The following SMYD3 variants were observed in gnomAD, a reference collection of about 807,000 sequenced individuals.
The protein encoded by SMYD3 is SET and MYND domain containing 3.
A neutral mutation model predicts 57.7 loss-of-function variants in SMYD3; 36 were observed. The ratio of observed to expected loss-of-function variants is 0.62; its 90% CI spans 0.48 to 0.82. SMYD3 has a LOEUF of 0.82. Ranked by LOEUF, SMYD3 falls within the 40% of genes least tolerant of loss-of-function variation. SMYD3 has a pLI of 0.00. For synonymous variants in SMYD3, 211 were observed against 195.0 expected, an observed-to-expected ratio of 1.08 and a Z score of -0.68; for missense variants, 515 against 538.8, an observed-to-expected ratio of 0.96 and a Z score of 0.44.
chr1:246,100,315 C>T (rs2060986695), intron 5 of SMYD3, among the ~76,000 whole-genome samples: 3 of 152,172 alleles, frequency 2.0e-5, no homozygotes, highest in Non-Finnish European at 4.4e-5. Flanking sequence ...GTGGAAAAGC[C>T]AGGTAGGTAG....
chr1:245,855,136 A>C (rs2051172764), intron 10 of SMYD3, among the ~76,000 whole-genome samples: 1 of 152,202 alleles, frequency 6.6e-6, no homozygotes, highest in Admixed American at 6.5e-5. Flanking sequence ...GCATATGTTA[A>C]TCTCGCAACA....
intron 1 of SMYD3, among the ~76,000 whole-genome samples, chr1:246,374,042 T>C (rs2066231931): frequency 6.6e-6 from 1 of 152,222 alleles, no homozygotes; most frequent in Admixed American, 6.5e-5. Flanking sequence ...CACCCCACTC[T>C]TTCCTAGCAT....
chr1:245,815,170 C>T (rs1434759547), intron 10 of SMYD3, among the ~76,000 whole-genome samples: 1 of 152,206 alleles, frequency 6.6e-6, no homozygotes, highest in African/African-American at 2.4e-5. Flanking sequence ...ACACTCATGG[C>T]CCCAGCATTG....
chr1:246,008,135 T>C (rs779307624), intron 5 of SMYD3, among the ~76,000 whole-genome samples: 7 of 152,210 alleles, frequency 4.6e-5, no homozygotes, highest in Non-Finnish European at 2.9e-5. Flanking sequence ...AGTCCCTTCA[T>C]TTCTCTCAGC....
At chr1:246,228,631 C>A (rs923394571) in intron 5 of SMYD3, among the ~76,000 whole-genome samples, 3 of 152,134 alleles carry the variant, frequency 2.0e-5, no homozygotes, top group Admixed American at 1.3e-4. Context: ...TTAATAGATA[C>A]ATTTTATGGT....
intron 10 of SMYD3, among the ~76,000 whole-genome samples, chr1:245,770,257 T>C (rs1035198873): frequency 6.6e-6 from 1 of 151,960 alleles, no homozygotes; most frequent in African/African-American, 2.4e-5. Flanking sequence ...ACTTTTCCCT[T>C]TGATGATCTT....
chr1:246,041,247 G>A (rs1292302245), intron 5 of SMYD3, among the ~76,000 whole-genome samples: 1 of 152,112 alleles, frequency 6.6e-6, no homozygotes, highest in African/African-American at 2.4e-5. Context: ...GCCTGAAGAT[G>A]CACTTCCCAG....
intron 10 of SMYD3, among the ~76,000 whole-genome samples, chr1:245,778,160 T>C (rs2817486): frequency 0.056 from 8,592 of 152,234 alleles, 820 homozygotes; most frequent in African/African-American, 0.2. Flanking sequence ...TTTGTAGATA[T>C]AGACAAACTG....
At chr1:246,004,558 G>C (rs181646474) in intron 5 of SMYD3, among the ~76,000 whole-genome samples, 1 of 152,308 alleles carries the variant, frequency 6.6e-6, no homozygotes, top group Non-Finnish European at 1.5e-5. Flanking sequence ...TATGAAACAC[G>C]ACTGTTCTGG....
intron 5 of SMYD3, among the ~76,000 whole-genome samples, chr1:246,126,047 T>C (rs560022375): frequency 7.2e-4 from 109 of 152,296 alleles, no homozygotes; most frequent in African/African-American, 2.5e-3. Flanking sequence ...CAGCCAGCCA[T>C]CTGGAAAGTG....
chr1:246,328,091 G>A (rs1369935046), intron 4 of SMYD3, among the ~76,000 whole-genome samples: 3 of 152,114 alleles, frequency 2.0e-5, no homozygotes. Flanking sequence ...CTACTCGGGA[G>A]GCTGAGGCAG....
chr1:246,288,706 CTACA>C (rs1371171866), intron 5 of SMYD3, among the ~76,000 whole-genome samples: 1 of 152,196 alleles, frequency 6.6e-6, no homozygotes, highest in Non-Finnish European at 1.5e-5. Context: ...GGACTTTAAA[CTACA>C]AGAAACAGAA....
At chr1:245,858,810 A>G in intron 9 of SMYD3, 140 bp from the exon 10 acceptor site, 3 of 820,464 alleles carry the variant, frequency 3.7e-6, no homozygotes, top group Non-Finnish European at 5.6e-6. Flanking sequence ...AGCTGCCTGA[A>G]AACACACTTG....
chr1:246,383,414 C>T (rs1463221318), intron 1 of SMYD3, among the ~76,000 whole-genome samples: 1 of 152,166 alleles, frequency 6.6e-6, no homozygotes, highest in African/African-American at 2.4e-5. Flanking sequence ...GACTCCACCC[C>T]AGACCAATGA....
intron 5 of SMYD3, among the ~76,000 whole-genome samples, chr1:246,008,682 C>T (rs974459892): frequency 6.6e-6 from 1 of 152,166 alleles, no homozygotes; most frequent in South Asian, 2.1e-4. Flanking sequence ...GGAGTCTCAA[C>T]ACCGGGGAAC....
At position 245,921,547 on chromosome 1, in the gene SMYD3, GTGTATA is replaced by G. The variant is rs1321588672; in HGVS notation, c.703-5913_703-5908del. On this transcript the variant is annotated intron_variant, in intron 7 of 11. Transcript: ENST00000490107. ...CATCAACAGTGAGCTAAAAAATGTG[GTGTATA>G]TATATATATATATATATACACATAC... 1.5e-3 allele frequency among the ~76,000 whole-genome samples: 51 copies of G among 35,114 alleles called. 5 individuals carry two copies. The East Asian group carries it at 0.024, about 17-fold the overall frequency. 23.0% of individuals were successfully genotyped at this position (35,114 alleles called of 152,430 possible). A position where few individuals can be genotyped will look rare whatever the true frequency, so the allele number is the denominator to read the frequency against.
At chr1:246,012,856 G>A (rs2059308392) in intron 5 of SMYD3, among the ~76,000 whole-genome samples, 2 of 152,138 alleles carry the variant, frequency 1.3e-5, no homozygotes, top group Non-Finnish European at 2.9e-5. Context: ...GGCACACTTT[G>A]GGCAAATGAC....
intron 1 of SMYD3, among the ~76,000 whole-genome samples, chr1:246,383,213 G>A (rs1438831959): frequency 6.6e-6 from 1 of 152,244 alleles, no homozygotes; most frequent in African/African-American, 2.4e-5. Context: ...GACACCAAAG[G>A]AATCATCAAC....
chr1:245,877,078 G>C (rs2052528528), intron 8 of SMYD3, among the ~76,000 whole-genome samples: 1 of 152,198 alleles, frequency 6.6e-6, no homozygotes, highest in African/African-American at 2.4e-5. Context: ...AGAAGAGAAA[G>C]AGGTCCTTGG....
Sources: gnomAD v4.1 joint callset for allele counts (sites outside exome capture counted in the v4.1 genomes callset) on GRCh38, gnomAD v4.1.1 for gene constraint, MANE v1.5 for transcripts, NCBI Gene and HGNC (gene_info 2026-07-23, HGNC 2026-07-21) for gene names.